Variants in IPO11 observed in about 807,000 individuals in gnomAD.
The protein encoded by IPO11 is importin-11.
In IPO11, 66 loss-of-function variants were observed where a neutral mutation model predicts 143.2. The observed-to-expected ratio is 0.46, with a 90% CI of 0.38 to 0.57. IPO11 has a LOEUF of 0.57. Ranked by LOEUF, IPO11 falls within the 20% of genes least tolerant of loss-of-function variation. The pLI is 0.00. For synonymous variants in IPO11, 385 were observed against 377.8 expected (o/e 1.02, Z -0.22); for missense variants, 1,026 against 1,141.0 (o/e 0.90, Z 1.45).
At chr5:62,596,783 CTTAAAA>C (rs1035599550) in intron 28 of IPO11, among the ~76,000 whole-genome samples, 3 of 152,046 alleles carry the variant, frequency 2.0e-5, no homozygotes, top group African/African-American at 7.2e-5. Flanking sequence ...TTCTGCCCCA[CTTAAAA>C]TTAAAAGCTG....
intron 1 of IPO11, among the ~76,000 whole-genome samples, chr5:62,427,063 G>T (rs1052660994): frequency 6.7e-6 from 1 of 148,278 alleles, no homozygotes; most frequent in Non-Finnish European, 1.5e-5. Context: ...TTAGCCTCCC[G>T]AGTAGCTGGG....
Position 62,435,054 on chromosome 5 carries a change from A to ATATATATG in IPO11, c.-6-2212_-6-2205dup, listed in dbSNP as rs1390208057. Reference sequence around the variant, plus strand: ...AAAAAATATATATGTATATGTGTATATATATATGTATATATATGTATATAT... The same window carrying ATATATATG: ...AAAAAATATATATGTATATGTGTATATATATATGTATATATGTATATATATGTATATAT... On this transcript the variant is annotated intron_variant, in intron 1 of 29. Transcript: ENST00000325324. Among the ~76,000 whole-genome samples the ATATATATG allele has an allele frequency of 2.2e-3, 238 of 108,164 alleles. 9 individuals are homozygous for ATATATATG. Among genetic ancestry groups the ATATATATG allele is most frequent in the African/African-American group, 8.7e-3 (228 of 26,276 alleles). The allele number at this position is 108,164 out of a possible 152,430, so 71.0% of individuals were successfully genotyped here.
At chr5:62,524,235 C>T (rs1481073120) in intron 20 of IPO11, among the ~76,000 whole-genome samples, 1 of 151,912 alleles carries the variant, frequency 6.6e-6, no homozygotes, top group Admixed American at 6.6e-5. Context: ...TCTCTTCAAG[C>T]ATTGATTAAG....
At chr5:62,536,910 G>C (rs9291762) in intron 23 of IPO11, 129 bp downstream of exon 23, 93,795 of 1,069,032 alleles carry the variant, frequency 0.088, 4,894 homozygotes, top group East Asian at 0.24. Context: ...AACATTGACT[G>C]TGAGCATTTC....
chr5:62,451,836 A>G lies in IPO11; in HGVS notation c.419A>G (p.Asp140Gly). The change falls in exon 5 of 30, where the codon GAT (aspartate) becomes GGT (glycine). Residue 140 changes from aspartate (D) to glycine (G), a missense_variant. This residue lies in a region of IPO11 where 429 missense variants were observed against 456.3 expected (regional missense o/e 0.94). Transcript: ENST00000325324. ...PTLIESVKVQ[D>G]DLRQHRALLT... ...CTTATAGAGTCTGTTAAAGTCCAGG[A>G]TGATCTTCGACAGCACAGAGCATTA... The G allele has an allele frequency of 6.2e-7, 1 of 1,613,778 alleles. No homozygotes were observed. Among genetic ancestry groups the G allele is most frequent in the Non-Finnish European group, 8.5e-7 (1 of 1,179,650 alleles).
At chr5:62,511,564 A>G (rs1244441939) in intron 19 of IPO11, among the ~76,000 whole-genome samples, 1 of 152,158 alleles carries the variant, frequency 6.6e-6, no homozygotes, top group Non-Finnish European at 1.5e-5. Flanking sequence ...TGCATTCCCC[A>G]CTAACACTTC....
chr5:62,531,911 G>A (rs908836064), intron 22 of IPO11, among the ~76,000 whole-genome samples: 1 of 152,170 alleles, frequency 6.6e-6, no homozygotes, highest in African/African-American at 2.4e-5. Flanking sequence ...GATGAAGTCA[G>A]TGGCAATAGG....
At chr5:62,592,058 C>G (rs1016987312) in intron 28 of IPO11, among the ~76,000 whole-genome samples, 2 of 152,092 alleles carry the variant, frequency 1.3e-5, no homozygotes, top group African/African-American at 2.4e-5. Flanking sequence ...CCATGTTGGT[C>G]AGGGTGGTCT....
At position 62,515,518 on chromosome 5, in the gene IPO11, C is replaced by T. The variant is rs753164637; in HGVS notation, c.1896+17C>T. On this transcript the variant is annotated intron_variant, in intron 20 of 29. Coordinates refer to ENST00000325324, the MANE Select transcript of IPO11 (RefSeq NM_016338.5). ...CTTGTTCAGGTAAGTCACTTCTCCA[C>T]AGAGTTTTTTTAGTTTAGTGGTTTT... is the stretch of plus-strand genomic sequence containing the variant. The T allele has an allele frequency of 2.6e-6, 4 of 1,524,036 alleles. No individual in the cohort carries two copies. The African/African-American group carries it at 5.6e-5, about 21-fold the overall frequency. 94.4% of individuals were successfully genotyped at this position (1,524,036 alleles called of 1,614,324 possible).
chr5:62,530,748 G>A lies in IPO11; in HGVS notation c.2052G>A (p.Glu684=), dbSNP rs1057256568. 6.2e-7 allele frequency: 1 copy of A among 1,613,084 alleles called. No homozygotes were observed. Residue 684 remains glutamate (E), a synonymous_variant, in exon 22 of 30, where the codon GAG becomes GAA. Coordinates refer to ENST00000325324, the MANE Select transcript of IPO11 (RefSeq NM_016338.5). ...AAAACAGTCCATGTATTACACCAGA[G>A]TTGCTTCGTATATTTCAGAATATGT... is the stretch of plus-strand genomic sequence containing the variant. ...TLENSPCITP[E]LLRIFQNMSP... is the part of the protein sequence containing the mutation.
intron 29 of IPO11, among the ~76,000 whole-genome samples, chr5:62,614,851 G>A (rs1026075727): frequency 6.6e-6 from 1 of 152,116 alleles, no homozygotes; most frequent in Non-Finnish European, 1.5e-5. Context: ...CTTGAAGATG[G>A]TGAATGTGGG....
At chr5:62,495,962 C>T (rs1388449689) in intron 16 of IPO11, among the ~76,000 whole-genome samples, 1 of 152,022 alleles carries the variant, frequency 6.6e-6, no homozygotes, top group Non-Finnish European at 1.5e-5. Flanking sequence ...TTCAAATGGG[C>T]CTCTTAGTTA....
intron 2 of IPO11, among the ~76,000 whole-genome samples, chr5:62,439,333 C>G (rs574083802): frequency 8.0e-6 from 1 of 125,604 alleles, no homozygotes; most frequent in Admixed American, 1.0e-4. Flanking sequence ...GTCGCACAGG[C>G]TGGAGTGCAG....
intron 24 of IPO11, among the ~76,000 whole-genome samples, chr5:62,544,000 G>C (rs919948800): frequency 6.6e-6 from 1 of 152,098 alleles, no homozygotes; most frequent in African/African-American, 2.4e-5. Flanking sequence ...GCGGTTTTGA[G>C]TGAGTGAGTT....
rs1215908833 is a variant in IPO11 at position 62,424,109 on chromosome 5, C to T, written c.-7+11180C>T. ...ATATGGCTCACTGCAGCCTCAACCT[C>T]CTGGGCTCAAGTCATCCTCCCACCT... On this transcript the variant is annotated intron_variant, in intron 1 of 29. Transcript: ENST00000325324. 2.0e-5 allele frequency among the ~76,000 whole-genome samples: 3 copies of T among 151,384 alleles called. No homozygotes were observed. The East Asian group carries it at 5.9e-4, about 30-fold the overall frequency.
chr5:62,494,170 T>C (rs2112242779), intron 16 of IPO11, 46 bp downstream of exon 16: 1 of 1,533,706 alleles, frequency 6.5e-7, no homozygotes, highest in South Asian at 1.2e-5. Flanking sequence ...TAAAGTTTCA[T>C]CTGTGCAAAT....
At position 62,448,498 on chromosome 5, in the gene IPO11, A is replaced by G. The variant is rs115158910; in HGVS notation, c.240-1429A>G. On this transcript the variant is annotated intron_variant, in intron 3 of 29. Transcript: ENST00000325324. ...TGTTTTCATTACTTAAGTGATTATA[A>G]CATGGACCCTTGATATTCTTGTATT... Among the ~76,000 whole-genome samples, 303 of 152,344 alleles carry G rather than the reference A, an allele frequency of 2.0e-3. 2 individuals are homozygous for G. The highest frequency in any genetic ancestry group is 7.1e-3 in the African/African-American group (296 of 41,572).
At chr5:62,572,458 G>A (rs1744160775) in intron 27 of IPO11, among the ~76,000 whole-genome samples, 4 of 152,116 alleles carry the variant, frequency 2.6e-5, no homozygotes, top group African/African-American at 4.8e-5. Flanking sequence ...ACTCTAAAAT[G>A]CTAGCTTATT....
intron 24 of IPO11, among the ~76,000 whole-genome samples, chr5:62,545,309 T>C (rs1743128936): frequency 6.6e-6 from 1 of 152,090 alleles, no homozygotes; most frequent in Admixed American, 6.6e-5. Flanking sequence ...GCTACAACCA[T>C]CTGATCTTTG....
Sources: gnomAD v4.1 joint callset for allele counts (sites outside exome capture counted in the v4.1 genomes callset) on GRCh38, gnomAD v4.1.1 for gene constraint, gnomAD v4.1.1 regional missense constraint, MANE v1.5 for transcripts, NCBI Gene and HGNC (gene_info 2026-07-23, HGNC 2026-07-21) for gene names.